Variants in ESRP1 observed in about 807,000 individuals in gnomAD.
The protein encoded by ESRP1 is epithelial splicing regulatory protein 1.
A neutral mutation model predicts 81.7 loss-of-function variants in ESRP1; 33 were observed. The ratio of observed to expected loss-of-function variants is 0.40; its 90% CI spans 0.31 to 0.54. The LOEUF (loss-of-function observed/expected upper bound fraction) is 0.54, where lower values mean the gene tolerates loss of function less well. ESRP1 is among the 20% of genes least tolerant of loss of function. The pLI is 0.41. For synonymous variants in ESRP1, 320 were observed against 303.3 expected (o/e 1.06, Z -0.57); for missense variants, 672 against 833.1 (o/e 0.81, Z 2.38).
intron 4 of ESRP1, among the ~76,000 whole-genome samples, chr8:94,656,468 A>G (rs546371936): frequency 2.0e-5 from 3 of 151,540 alleles, no homozygotes; most frequent in Middle Eastern, 3.4e-3. Flanking sequence ...TGATCCGCCC[A>G]CCTTGGCCTC....
At position 94,646,245 on chromosome 8, in the gene ESRP1, T is replaced by G. The variant is rs775740755; in HGVS notation, c.453T>G (p.Pro151=). 1 of 1,612,516 alleles carries G rather than the reference T, an allele frequency of 6.2e-7. No individual in the cohort carries two copies. Among genetic ancestry groups the G allele is most frequent in the South Asian group, 1.1e-5 (1 of 90,890 alleles). The change falls in exon 4 of 16, where the codon CCT becomes CCG. Residue 151 remains proline, a synonymous_variant. Transcript: ENST00000433389. Reference sequence around the variant, plus strand: ...TCAAGAAATGTTGCCCTGGTTCACCTGATATTGACAAACTGGACGTTGCCA... The same window carrying G: ...TCAAGAAATGTTGCCCTGGTTCACCGGATATTGACAAACTGGACGTTGCCA... ...KEFKKCCPGS[P]DIDKLDVATM...
In ESRP1 at chr8:94,706,070, G is replaced by A; in HGVS notation, c.*181G>A. 2 of 1,051,796 alleles carry A rather than the reference G, an allele frequency of 1.9e-6. No individual in the cohort carries two copies. The highest frequency in any genetic ancestry group is 2.7e-6 in the Non-Finnish European group (2 of 744,950). The allele number at this position is 1,051,796 out of a possible 1,614,324, so 65.2% of individuals were successfully genotyped here. ...GGCCTGTGCCTTATCTTTTGGTGGA[G>A]TGAAAAAATTTGAGCTAGTGAAGCC... On this transcript the variant is annotated 3_prime_UTR_variant, in exon 16 of 16. Coordinates refer to ENST00000433389, the MANE Select transcript of ESRP1 (RefSeq NM_017697.4).
rs1554577644 is a variant in ESRP1 at position 94,667,068 on chromosome 8, G to GGGGTGTGT, written c.932-880_932-879insGGTGTGTG. Among the ~76,000 whole-genome samples the GGGGTGTGT allele has an allele frequency of 9.0e-5, 13 of 144,306 alleles. No homozygotes were observed. In the East Asian group the frequency reaches 1.6e-3, roughly 18 times the overall value. The allele number at this position is 144,306 out of a possible 152,430, so 94.7% of individuals were successfully genotyped here. On this transcript the variant is annotated intron_variant, in intron 9 of 15. Coordinates refer to ENST00000433389, the MANE Select transcript of ESRP1 (RefSeq NM_017697.4). ...TAATACACAAATTAGCCAGGAGAGG[G>GGGGTGTGT]GTGTGTGTGTGTGTGTGTGTGTGTG...
In ESRP1 at chr8:94,706,852, T is replaced by TA. The variant is rs1193426067; in HGVS notation, c.*966dup. 3 of 152,238 alleles carry TA rather than the reference T, an allele frequency of 2.0e-5. No homozygotes were observed. Among genetic ancestry groups the TA allele is most frequent in the Non-Finnish European group, 4.4e-5 (3 of 68,040 alleles). The allele number at this position is 152,238 out of a possible 1,614,324, so 9.4% of individuals were successfully genotyped here. A position where few individuals can be genotyped will look rare whatever the true frequency, so the allele number is the denominator to read the frequency against. Reference sequence around the variant, plus strand: ...ATGCTTATATATATTATGATAGCCTTAAACCTTTTTCCTCTAATGCCTTAA... The same window carrying TA: ...ATGCTTATATATATTATGATAGCCTTAAAACCTTTTTCCTCTAATGCCTTAA... On this transcript the variant is annotated 3_prime_UTR_variant, in exon 16 of 16. Coordinates refer to ENST00000433389, the MANE Select transcript of ESRP1 (RefSeq NM_017697.4).
intron 11 of ESRP1, among the ~76,000 whole-genome samples, 197 bp downstream of exon 11, chr8:94,671,868 G>T (rs1268339301): frequency 2.0e-5 from 3 of 152,072 alleles, no homozygotes; most frequent in South Asian, 2.1e-4. Context: ...TAATTAAAAA[G>T]TACGTAATCC....
At chr8:94,681,767 C>T (rs1376134604) in intron 13 of ESRP1, among the ~76,000 whole-genome samples, 1 of 152,132 alleles carries the variant, frequency 6.6e-6, no homozygotes, top group African/African-American at 2.4e-5. Context: ...TGAAACCCCA[C>T]CTCTACTAAT....
At chr8:94,690,381 C>T (rs889695799) in intron 13 of ESRP1, among the ~76,000 whole-genome samples, 1 of 149,264 alleles carries the variant, frequency 6.7e-6, no homozygotes, top group African/African-American at 2.5e-5. Flanking sequence ...GATCTCCCCA[C>T]TTTGGCCTCC....
At chr8:94,682,160 T>A (rs1808915793) in intron 13 of ESRP1, among the ~76,000 whole-genome samples, 2 of 152,130 alleles carry the variant, frequency 1.3e-5, no homozygotes, top group Admixed American at 6.5e-5. Flanking sequence ...GCAAAATCAG[T>A]TACCTCACAT....
Position 94,706,130 on chromosome 8 carries a change from C to A in ESRP1, c.*241C>A, listed in dbSNP as rs764760031. 3.5e-6 allele frequency: 2 copies of A among 564,350 alleles called. No individual in the cohort carries two copies. Among genetic ancestry groups the A allele is most frequent in the Non-Finnish European group, 6.2e-6 (2 of 325,182 alleles). The allele number at this position is 564,350 out of a possible 1,614,324, so 35.0% of individuals were successfully genotyped here. A position where few individuals can be genotyped will look rare whatever the true frequency, so the allele number is the denominator to read the frequency against. Reference sequence around the variant, plus strand: ...CTTACAGCAAGCAGCATGCAGCATACCTGGCTCTTTGCTGATTGCAAATAG... The same window carrying A: ...CTTACAGCAAGCAGCATGCAGCATAACTGGCTCTTTGCTGATTGCAAATAG... On this transcript the variant is annotated 3_prime_UTR_variant, in exon 16 of 16. Transcript: ENST00000433389.
At chr8:94,667,019 A>G (rs1456027517) in intron 9 of ESRP1, among the ~76,000 whole-genome samples, 1 of 151,370 alleles carries the variant, frequency 6.6e-6, no homozygotes, top group Non-Finnish European at 1.5e-5. Context: ...CCTGGCCAAT[A>G]TGGTGAAACC....
At chr8:94,656,179 C>G (rs1818406465) in intron 4 of ESRP1, 1 of 149,676 alleles carries the variant, frequency 6.7e-6, no homozygotes, top group Non-Finnish European at 1.5e-5. Flanking sequence ...CACACTCCAG[C>G]CTAGGCTACA....
chr8:94,652,055 T>G (rs1310297738), intron 4 of ESRP1, among the ~76,000 whole-genome samples: 3 of 144,258 alleles, frequency 2.1e-5, no homozygotes, highest in African/African-American at 7.7e-5. Flanking sequence ...GTGCGCAATC[T>G]TGGTTCACTG....
At chr8:94,671,407 G>C (rs562825502) in intron 10 of ESRP1, 46 bp from the exon 11 acceptor site, 2 of 1,518,616 alleles carry the variant, frequency 1.3e-6, no homozygotes, top group Non-Finnish European at 1.8e-6. Flanking sequence ...CAGAAAGCAG[G>C]GGAGTAGCAC....
rs529717538 is a variant in ESRP1, at chr8:94,666,671, C to G, written c.932-1278C>G. ...AACACAATCTGCTGGTATATTTTTG[C>G]TCCAGTTCATCTTTAGATAAACTCT... On this transcript the variant is annotated intron_variant, in intron 9 of 15. Coordinates refer to ENST00000433389, the MANE Select transcript of ESRP1 (RefSeq NM_017697.4). Among the ~76,000 whole-genome samples, 3 of 152,298 alleles carry G rather than the reference C, an allele frequency of 2.0e-5. No individual in the cohort carries two copies. The South Asian group carries it at 6.2e-4, about 32-fold the overall frequency.
At chr8:94,694,976 G>A (rs1432104580) in intron 14 of ESRP1, among the ~76,000 whole-genome samples, 1 of 152,200 alleles carries the variant, frequency 6.6e-6, no homozygotes, top group African/African-American at 2.4e-5. Flanking sequence ...CTTTGAGGCA[G>A]TCATAATGCA....
In ESRP1 at chr8:94,665,012, C is replaced by T; in HGVS notation, c.841C>T (p.Leu281=). Residue 281 remains leucine, a synonymous_variant, in exon 8 of 16, where the codon CTA becomes TTA. Transcript: ENST00000433389. ...GTTTGTAAGTGAGGAGCACCGAGAC[C>T]TAGCACTACAGAGGCACAAACATCA... ...VRFVSEEHRD[L]ALQRHKHHMG... 1 of 1,612,018 alleles carries T rather than the reference C, an allele frequency of 6.2e-7. No homozygotes were observed. The highest frequency in any genetic ancestry group is 1.7e-4 in the Middle Eastern group (1 of 6,056).
intron 4 of ESRP1, among the ~76,000 whole-genome samples, chr8:94,657,328 T>G (rs1357338704): frequency 6.6e-6 from 1 of 152,212 alleles, no homozygotes; most frequent in Non-Finnish European, 1.5e-5. Context: ...AGATCAGACG[T>G]GCAGCAAGTA....
chr8:94,704,766 GAAAAAAAA>G (rs10618511), intron 15 of ESRP1, among the ~76,000 whole-genome samples: 63,378 of 108,774 alleles, frequency 0.58, 17,477 homozygotes, highest in Middle Eastern at 0.62. Context: ...ATCTCTTTTT[GAAAAAAAA>G]AAAAAAAAAA....
intron 9 of ESRP1, among the ~76,000 whole-genome samples, chr8:94,667,425 C>A (rs1359623553): frequency 9.0e-6 from 1 of 110,958 alleles, no homozygotes; most frequent in African/African-American, 3.1e-5. Context: ...ATGTTTGAAC[C>A]TTTCTTAATT....
Sources: gnomAD v4.1 joint callset for allele counts (sites outside exome capture counted in the v4.1 genomes callset) on GRCh38, gnomAD v4.1.1 for gene constraint, MANE v1.5 for transcripts, NCBI Gene and HGNC (gene_info 2026-07-23, HGNC 2026-07-21) for gene names.